MDGA2: variants seen among roughly 807,000 people sequenced by gnomAD.
MDGA2 encodes MAM domain-containing glycosylphosphatidylinositol anchor protein 2.
MDGA2 carries 40 observed loss-of-function variants against 117.8 expected under a neutral mutation model. That is an observed-to-expected ratio of 0.34 (90% CI 0.26 to 0.44). The LOEUF is 0.44. Among genes scored for constraint, MDGA2 ranks in the 20% least tolerant of loss-of-function variants. The probability of loss-of-function intolerance (pLI) is 1.00; values close to 1 mark genes in which losing one functional copy is unlikely to be tolerated. For missense variants in MDGA2, 1,123 were observed against 1,250.6 expected, an observed-to-expected ratio of 0.90 and a Z score of 1.54; for synonymous variants, 452 against 439.0, an observed-to-expected ratio of 1.03 and a Z score of -0.37.
At chr14:47,392,009 G>A (rs572961454) in intron 1 of MDGA2, among the ~76,000 whole-genome samples, 79 of 152,168 alleles carry the variant, frequency 5.2e-4, no homozygotes, top group African/African-American at 1.6e-3. Flanking sequence ...TGCACATCCC[G>A]GTAATTCTGT....
rs573299147 is a variant in MDGA2, at chr14:47,142,217, G to A, written c.792+1861C>T. ...CCAGCACATTGGGAGGCCAAGGCAGGTGGATTGCTTGAGGTCAGGAGCTTG... is the reference window on the plus strand; with the variant it reads ...CCAGCACATTGGGAGGCCAAGGCAGATGGATTGCTTGAGGTCAGGAGCTTG... On this transcript the variant is annotated intron_variant, in intron 4 of 16. Transcript: ENST00000399232. Among the ~76,000 whole-genome samples the A allele has an allele frequency of 9.8e-5, 15 of 152,304 alleles. No individual in the cohort carries two copies. In the South Asian group the frequency reaches 2.9e-3, roughly 29 times the overall value.
chr14:46,972,667 ACTC>A (rs1314396768), intron 8 of MDGA2, among the ~76,000 whole-genome samples: 1 of 152,008 alleles, frequency 6.6e-6, no homozygotes, highest in Non-Finnish European at 1.5e-5. Flanking sequence ...AAGCTACACA[ACTC>A]CTACAAACTA....
intron 8 of MDGA2, among the ~76,000 whole-genome samples, chr14:47,004,551 T>TTTCCATCTAAA (rs71112476): frequency 0.32 from 47,860 of 151,212 alleles, 8,290 homozygotes; most frequent in East Asian, 0.59. Flanking sequence ...TTCCCTTATA[T>TTTCCATCTAAA]TTCCATCTAA....
intron 1 of MDGA2, among the ~76,000 whole-genome samples, chr14:47,659,727 G>A (rs896352094): frequency 6.6e-6 from 1 of 152,190 alleles, no homozygotes; most frequent in Non-Finnish European, 1.5e-5. Flanking sequence ...ATTGGAAGCA[G>A]AGAAAGACTT....
chr14:46,926,309 A>G (rs1445743002), intron 9 of MDGA2, among the ~76,000 whole-genome samples: 3 of 152,166 alleles, frequency 2.0e-5, no homozygotes, highest in African/African-American at 7.2e-5. Flanking sequence ...CAAAAGACAC[A>G]CTTGCAAAGT....
intron 1 of MDGA2, among the ~76,000 whole-genome samples, chr14:47,597,147 TGGTCA>T (rs1896558431): frequency 6.6e-6 from 1 of 152,150 alleles, no homozygotes; most frequent in Non-Finnish European, 1.5e-5. Context: ...TACTAAACTC[TGGTCA>T]TGAAAATTTC....
intron 1 of MDGA2, among the ~76,000 whole-genome samples, chr14:47,419,752 A>T (rs919879384): frequency 1.3e-5 from 2 of 152,050 alleles, no homozygotes; most frequent in Admixed American, 6.6e-5. Flanking sequence ...CTGCATATTC[A>T]TATTTAAGTT....
intron 1 of MDGA2, among the ~76,000 whole-genome samples, chr14:47,390,050 T>G (rs1891858715): frequency 6.6e-6 from 1 of 152,098 alleles, no homozygotes; most frequent in Non-Finnish European, 1.5e-5. Flanking sequence ...CTTAGACTCT[T>G]AGTTGTGCCC....
At chr14:47,403,254 T>A (rs1315308848) in intron 1 of MDGA2, among the ~76,000 whole-genome samples, 1 of 152,214 alleles carries the variant, frequency 6.6e-6, no homozygotes, top group Non-Finnish European at 1.5e-5. Flanking sequence ...CATTTTCTTT[T>A]CTTAACCAAA....
At chr14:46,984,861 C>A (rs2138401823) in intron 8 of MDGA2, among the ~76,000 whole-genome samples, 1 of 152,170 alleles carries the variant, frequency 6.6e-6, no homozygotes, top group East Asian at 1.9e-4. Context: ...AGTGGCAAAA[C>A]TTAAGCTTGG....
chr14:46,964,587 A>G (rs1885940885), intron 8 of MDGA2, among the ~76,000 whole-genome samples: 1 of 152,348 alleles, frequency 6.6e-6, no homozygotes, highest in East Asian at 1.9e-4. Flanking sequence ...GGACAAAGGT[A>G]TCCGGGAGCC....
intron 1 of MDGA2, among the ~76,000 whole-genome samples, chr14:47,590,675 A>T (rs959015093): frequency 5.9e-5 from 9 of 152,024 alleles, no homozygotes; most frequent in African/African-American, 2.2e-4. Context: ...GATTGTTTGT[A>T]ACAAAAACAA....
intron 1 of MDGA2, among the ~76,000 whole-genome samples, chr14:47,373,438 T>C (rs2138397755): frequency 6.6e-6 from 1 of 152,234 alleles, no homozygotes; most frequent in South Asian, 2.1e-4. Flanking sequence ...TAACTTAAAA[T>C]GTGGCATATC....
intron 1 of MDGA2, among the ~76,000 whole-genome samples, chr14:47,641,195 C>T (rs898777135): frequency 1.3e-5 from 2 of 152,006 alleles, no homozygotes; most frequent in Admixed American, 6.6e-5. Context: ...TGAAGTGAAG[C>T]CAAGAAGTCC....
At chr14:46,865,646 T>C (rs1057487068) in intron 14 of MDGA2, among the ~76,000 whole-genome samples, 2 of 152,040 alleles carry the variant, frequency 1.3e-5, no homozygotes, top group East Asian at 1.9e-4. Flanking sequence ...AAAACCCCAT[T>C]GTCTCAGCCC....
intron 8 of MDGA2, among the ~76,000 whole-genome samples, chr14:46,975,999 G>C (rs534525085): frequency 1.2e-4 from 19 of 152,180 alleles, no homozygotes; most frequent in African/African-American, 3.9e-4. Context: ...AACCACGTTG[G>C]TGGTTTATTT....
intron 6 of MDGA2, among the ~76,000 whole-genome samples, chr14:47,090,394 T>A (rs905914261): frequency 2.0e-4 from 29 of 147,336 alleles, no homozygotes; most frequent in Admixed American, 6.7e-5. Context: ...AAAAAAAAAA[T>A]GCTGAAATAA....
At chr14:47,501,250 C>A (rs998954030) in intron 1 of MDGA2, among the ~76,000 whole-genome samples, 3 of 152,028 alleles carry the variant, frequency 2.0e-5, no homozygotes, top group Admixed American at 6.6e-5. Context: ...TTCTATGGGA[C>A]AAGTAAATCA....
intron 1 of MDGA2, among the ~76,000 whole-genome samples, chr14:47,633,739 C>T (rs1280638482): frequency 2.0e-5 from 3 of 152,074 alleles, no homozygotes; most frequent in Non-Finnish European, 4.4e-5. Flanking sequence ...GCTATAAAGA[C>T]AAGACAAATT....
Sources: allele counts gnomAD v4.1 joint callset (sites outside exome capture counted in the v4.1 genomes callset), GRCh38; gene constraint gnomAD v4.1.1; transcripts MANE v1.5; gene names NCBI Gene and HGNC (gene_info 2026-07-23, HGNC 2026-07-21).